Variants in FHIT observed in about 807,000 individuals in gnomAD.
FHIT encodes bis(5'-adenosyl)-triphosphatase.
Under a neutral mutation model 17.9 loss-of-function variants are expected in FHIT, and 19 were observed. The ratio of observed to expected loss-of-function variants is 1.06; its 90% CI spans 0.74 to 1.56. The LOEUF (loss-of-function observed/expected upper bound fraction) is 1.56, where lower values mean the gene tolerates loss of function less well. Ranked by LOEUF, FHIT falls within the 40% of genes most tolerant of loss-of-function variation. The pLI is 0.00. For synonymous variants in FHIT, 81 were observed against 69.7 expected, an observed-to-expected ratio of 1.16 and a Z score of -0.81; for missense variants, 248 against 189.2, an observed-to-expected ratio of 1.31 and a Z score of -1.82.
chr3:61,014,453 T>G (rs1198390483), intron 3 of FHIT, among the ~76,000 whole-genome samples: 2 of 151,886 alleles, frequency 1.3e-5, no homozygotes, highest in African/African-American at 2.4e-5. Flanking sequence ...TGTATTTTCA[T>G]GACTTCACAA....
At chr3:60,569,755 A>ATATATATATATTTT in intron 4 of FHIT, among the ~76,000 whole-genome samples, 4,734 of 77,102 alleles carry the variant, frequency 0.061, 353 homozygotes, top group South Asian at 0.087. Flanking sequence ...ATATATATAT[A>ATATATATATATTTT]TTTTTTTTTT....
intron 5 of FHIT, among the ~76,000 whole-genome samples, chr3:60,233,688 T>C (rs1430189356): frequency 3.3e-5 from 5 of 152,144 alleles, no homozygotes; most frequent in Non-Finnish European, 2.9e-5. Flanking sequence ...TCATCTTGAA[T>C]TGTAGCTCCC....
At chr3:60,823,333 G>T (rs2106778242) in intron 3 of FHIT, among the ~76,000 whole-genome samples, 1 of 152,222 alleles carries the variant, frequency 6.6e-6, no homozygotes, top group Middle Eastern at 3.4e-3. Context: ...AAGATATGTT[G>T]AAGTCCTAAC....
intron 5 of FHIT, among the ~76,000 whole-genome samples, chr3:60,220,919 A>G (rs1703931295): frequency 1.3e-5 from 2 of 152,166 alleles, no homozygotes; most frequent in African/African-American, 4.8e-5. Flanking sequence ...CTAATTACCC[A>G]ATACACTAGA....
intron 5 of FHIT, among the ~76,000 whole-genome samples, chr3:60,444,017 C>G (rs919171206): frequency 6.6e-6 from 1 of 152,078 alleles, no homozygotes; most frequent in South Asian, 2.1e-4. Flanking sequence ...AGAATCCCAT[C>G]AAAAACTGGG....
At chr3:60,356,777 A>C (rs1699682632) in intron 5 of FHIT, among the ~76,000 whole-genome samples, 1 of 140,056 alleles carries the variant, frequency 7.1e-6, no homozygotes, top group Admixed American at 7.0e-5. Context: ...AAAAAAAAAA[A>C]AAACGGAAGA....
At chr3:60,894,286 T>C (rs1457613612) in intron 3 of FHIT, among the ~76,000 whole-genome samples, 1 of 152,242 alleles carries the variant, frequency 6.6e-6, no homozygotes, top group Non-Finnish European at 1.5e-5. Context: ...CAGGTGAACA[T>C]TATTGGACAC....
At chr3:60,482,347 A>G (rs1230460683) in intron 5 of FHIT, among the ~76,000 whole-genome samples, 1 of 152,210 alleles carries the variant, frequency 6.6e-6, no homozygotes, top group Non-Finnish European at 1.5e-5. Flanking sequence ...AGACAGCTAC[A>G]GAACTCCCTA....
intron 4 of FHIT, among the ~76,000 whole-genome samples, chr3:60,581,953 C>T (rs1334209753): frequency 6.6e-6 from 1 of 151,924 alleles, no homozygotes; most frequent in Non-Finnish European, 1.5e-5. Context: ...GGATGCTGCA[C>T]CGATGCACAC....
intron 1 of FHIT, among the ~76,000 whole-genome samples, chr3:61,241,847 A>C (rs1463729140): frequency 6.6e-6 from 1 of 152,184 alleles, no homozygotes; most frequent in Non-Finnish European, 1.5e-5. Context: ...TCATCATTAA[A>C]AGAAAACACT....
At chr3:60,233,111 A>G (rs1704586948) in intron 5 of FHIT, among the ~76,000 whole-genome samples, 1 of 152,182 alleles carries the variant, frequency 6.6e-6, no homozygotes, top group African/African-American at 2.4e-5. Flanking sequence ...AAACTCGGCA[A>G]TGGGTACATT....
At chr3:60,158,423 T>C (rs1473041714) in intron 5 of FHIT, among the ~76,000 whole-genome samples, 3 of 152,122 alleles carry the variant, frequency 2.0e-5, no homozygotes, top group Non-Finnish European at 4.4e-5. Flanking sequence ...ACAATTCTCC[T>C]GCCTCAGCCT....
chr3:60,528,875 A>T (rs1559515119), intron 5 of FHIT, among the ~76,000 whole-genome samples: 1 of 152,214 alleles, frequency 6.6e-6, no homozygotes, highest in Non-Finnish European at 1.5e-5. Context: ...CTGGCACAGT[A>T]GAGAGCTTTC....
chr3:60,535,084 T>C (rs1327615541), intron 5 of FHIT, among the ~76,000 whole-genome samples: 1 of 152,076 alleles, frequency 6.6e-6, no homozygotes, highest in Non-Finnish European at 1.5e-5. Context: ...ATTAGCTCAG[T>C]GTGGTAGTGC....
At chr3:59,889,912 T>C (rs1294491973) in intron 8 of FHIT, among the ~76,000 whole-genome samples, 4 of 152,232 alleles carry the variant, frequency 2.6e-5, no homozygotes, top group Non-Finnish European at 5.9e-5. Context: ...GATATTGTAA[T>C]GAATTTTCTT....
chr3:61,208,331 C>T (rs2039325780), intron 1 of FHIT, among the ~76,000 whole-genome samples: 2 of 152,000 alleles, frequency 1.3e-5, no homozygotes, highest in Non-Finnish European at 1.5e-5. Flanking sequence ...TCTATTAGGT[C>T]CGCTTGGTGC....
chr3:59,764,696 G>A (rs542800930), intron 8 of FHIT, among the ~76,000 whole-genome samples: 1 of 151,674 alleles, frequency 6.6e-6, no homozygotes, highest in East Asian at 2.0e-4. Context: ...TACCATGCAT[G>A]ACAGCAGATC....
At chr3:60,162,248 G>T (rs1278161667) in intron 5 of FHIT, among the ~76,000 whole-genome samples, 1 of 152,110 alleles carries the variant, frequency 6.6e-6, no homozygotes, top group East Asian at 1.9e-4. Flanking sequence ...AAATTTTGTT[G>T]TGTCATTTTA....
intron 1 of FHIT, among the ~76,000 whole-genome samples, chr3:61,201,498 T>G (rs963547969): frequency 2.6e-5 from 4 of 152,196 alleles, no homozygotes; most frequent in Non-Finnish European, 4.4e-5. Flanking sequence ...GGTGCAGTAG[T>G]TGGGGATAGA....
Sources: gnomAD v4.1 joint callset for allele counts (sites outside exome capture counted in the v4.1 genomes callset) on GRCh38, gnomAD v4.1.1 for gene constraint, MANE v1.5 for transcripts, NCBI Gene and HGNC (gene_info 2026-07-23, HGNC 2026-07-21) for gene names.